SEMA6D: variants seen among roughly 807,000 people sequenced by gnomAD.
SEMA6D encodes semaphorin 6D.
In SEMA6D, 35 loss-of-function variants were observed where a neutral mutation model predicts 106.6. The observed-to-expected ratio is 0.33, with a 90% CI of 0.25 to 0.44. The LOEUF (loss-of-function observed/expected upper bound fraction) is 0.44. Ranked by LOEUF, SEMA6D falls within the 20% of genes least tolerant of loss-of-function variation. The probability of loss-of-function intolerance (pLI) is 1.00; values close to 1 mark genes in which losing one functional copy is unlikely to be tolerated. For synonymous variants in SEMA6D, 499 were observed against 487.7 expected, an observed-to-expected ratio of 1.02 and a Z score of -0.31; for missense variants, 1,185 against 1,345.9, an observed-to-expected ratio of 0.88 and a Z score of 1.87.
At chr15:47,191,844 T>C (rs776395479) in intron 1 of SEMA6D, among the ~76,000 whole-genome samples, 1 of 152,122 alleles carries the variant, frequency 6.6e-6, no homozygotes, top group Non-Finnish European at 1.5e-5. Flanking sequence ...CAGTAGATAG[T>C]AGTCTCTGTT....
intron 1 of SEMA6D, among the ~76,000 whole-genome samples, chr15:47,226,865 G>A (rs78919507): frequency 0.038 from 5,740 of 152,098 alleles, 186 homozygotes; most frequent in South Asian, 0.12. Context: ...CTCTGCTTTG[G>A]TTCACATCAG....
chr15:47,689,416 A>G (rs1046925097), intron 4 of SEMA6D, among the ~76,000 whole-genome samples: 1 of 152,222 alleles, frequency 6.6e-6, no homozygotes, highest in Non-Finnish European at 1.5e-5. Flanking sequence ...AATTACACCA[A>G]TGAGATGGCA....
At position 47,499,777 on chromosome 15, in the gene SEMA6D, A is replaced by G. The variant is rs111749015; in HGVS notation, c.-87+29232A>G. ...GAAATTGCAGTTCTAAAGCTTTTGC[A>G]GGTAAATCTTGGGTTGATAGCCTGT... On this transcript the variant is annotated intron_variant, in intron 3 of 19. Transcript: ENST00000558014. Among the ~76,000 whole-genome samples, 974 of 152,230 alleles carry G rather than the reference A, an allele frequency of 6.4e-3. 11 individuals are homozygous for G. The highest frequency in any genetic ancestry group is 0.022 in the African/African-American group (911 of 41,538).
At chr15:47,548,949 T>G (rs901506972) in intron 3 of SEMA6D, among the ~76,000 whole-genome samples, 13 of 152,108 alleles carry the variant, frequency 8.5e-5, no homozygotes, top group African/African-American at 3.1e-4. Flanking sequence ...ATATTATTAA[T>G]AGCAACAAGT....
chr15:47,541,158 G>GTGC (rs1421528627), intron 3 of SEMA6D, among the ~76,000 whole-genome samples: 1 of 152,114 alleles, frequency 6.6e-6, no homozygotes, highest in East Asian at 1.9e-4. Context: ...AAACATTCAT[G>GTGC]TGCAACATAG....
intron 3 of SEMA6D, among the ~76,000 whole-genome samples, chr15:47,487,365 G>A (rs2043327552): frequency 6.6e-6 from 1 of 152,058 alleles, no homozygotes; most frequent in Admixed American, 6.5e-5. Flanking sequence ...AAACTCACCA[G>A]CATAAAAATT....
intron 1 of SEMA6D, among the ~76,000 whole-genome samples, chr15:47,720,182 G>A (rs1193753950): frequency 2.0e-5 from 3 of 151,392 alleles, no homozygotes; most frequent in Admixed American, 6.6e-5. Context: ...TTAACAACTA[G>A]CAACTATTTC....
chr15:47,577,692 G>T (rs1164051047), intron 3 of SEMA6D, among the ~76,000 whole-genome samples: 1 of 152,148 alleles, frequency 6.6e-6, no homozygotes, highest in Non-Finnish European at 1.5e-5. Flanking sequence ...GAGGAATGAT[G>T]GCTAAAATTA....
rs1216611736 is a variant in SEMA6D, at chr15:47,222,737, A to C, written c.-239+38319A>C. On this transcript the variant is annotated intron_variant, in intron 1 of 19. Transcript: ENST00000558014. ...ATCTCTGGTTCCCTACTAATTAACCATGCAGAACTGGAGATGACCGCAATT... is the reference window on the plus strand; with the variant it reads ...ATCTCTGGTTCCCTACTAATTAACCCTGCAGAACTGGAGATGACCGCAATT... Among the ~76,000 whole-genome samples, 5 of 152,194 alleles carry C rather than the reference A, an allele frequency of 3.3e-5. No homozygotes were observed. The East Asian group carries it at 7.7e-4, about 23-fold the overall frequency.
intron 4 of SEMA6D, among the ~76,000 whole-genome samples, chr15:47,684,719 A>G (rs1253133979): frequency 6.6e-6 from 1 of 152,242 alleles, no homozygotes; most frequent in Non-Finnish European, 1.5e-5. Context: ...AAATTGTAAG[A>G]ACTTTTAAAA....
chr15:47,516,400 A>G (rs1207693195), intron 3 of SEMA6D, among the ~76,000 whole-genome samples: 2 of 152,226 alleles, frequency 1.3e-5, no homozygotes, highest in East Asian at 3.8e-4. Context: ...CCCATGGCAC[A>G]TCAAAGTGAC....
At chr15:47,759,707 C>T (rs2081960791) in intron 1 of SEMA6D, 38 bp from the exon 2 acceptor site, 2 of 893,134 alleles carry the variant, frequency 2.2e-6, no homozygotes, top group South Asian at 1.3e-5. Flanking sequence ...CGCTTCATTG[C>T]AGCATAGAGA....
intron 3 of SEMA6D, among the ~76,000 whole-genome samples, chr15:47,537,290 C>A (rs1204615857): frequency 6.6e-6 from 1 of 152,164 alleles, no homozygotes; most frequent in African/African-American, 2.4e-5. Context: ...AAAGCAGACC[C>A]TCCTTAAAGA....
chr15:47,461,210 A>C (rs563867257), intron 2 of SEMA6D, among the ~76,000 whole-genome samples: 1 of 152,204 alleles, frequency 6.6e-6, no homozygotes, highest in South Asian at 2.1e-4. Context: ...CACATTGCCT[A>C]AAATAATGGC....
intron 3 of SEMA6D, among the ~76,000 whole-genome samples, chr15:47,529,783 C>G (rs2044892756): frequency 6.6e-6 from 1 of 152,066 alleles, no homozygotes; most frequent in Non-Finnish European, 1.5e-5. Flanking sequence ...TCAGGGAAGG[C>G]TATCATATTT....
chr15:47,215,159 A>G (rs948838917), intron 1 of SEMA6D, among the ~76,000 whole-genome samples: 1 of 61,924 alleles, frequency 1.6e-5, no homozygotes, highest in Non-Finnish European at 3.4e-5. Context: ...TCAAACAAAC[A>G]TCTGCTGTTT....
rs1211157986 is a variant in SEMA6D, at chr15:47,243,992, A to G, written c.-239+59574A>G. ...AAGGTGGAAAATAAACTAAATATAT[A>G]ATATGATATCAGGTAGTGATAAGTG... On this transcript the variant is annotated intron_variant, in intron 1 of 19. Transcript: ENST00000558014. 3.9e-5 allele frequency among the ~76,000 whole-genome samples: 6 copies of G among 152,168 alleles called. No individual in the cohort carries two copies. The East Asian group carries it at 1.2e-3, about 29-fold the overall frequency.
chr15:47,322,560 G>A (rs1048854549), intron 1 of SEMA6D, among the ~76,000 whole-genome samples: 1 of 152,072 alleles, frequency 6.6e-6, no homozygotes, highest in Admixed American at 6.6e-5. Flanking sequence ...GAATCATATC[G>A]GGGATACATG....
intron 1 of SEMA6D, among the ~76,000 whole-genome samples, chr15:47,734,902 T>C (rs936800123): frequency 1.3e-5 from 2 of 152,202 alleles, no homozygotes; most frequent in Non-Finnish European, 2.9e-5. Context: ...AAGGCCTACA[T>C]GCAGTTTGGT....
Sources: allele counts gnomAD v4.1 joint callset (sites outside exome capture counted in the v4.1 genomes callset), GRCh38; gene constraint gnomAD v4.1.1; transcripts MANE v1.5; gene names NCBI Gene and HGNC (gene_info 2026-07-23, HGNC 2026-07-21).